Variants in MAPK4 observed in about 807,000 individuals in gnomAD.
The protein encoded by MAPK4 is Erk3-related.
Under a neutral mutation model 47.7 loss-of-function variants are expected in MAPK4, and 22 were observed. That is an observed-to-expected ratio of 0.46 (90% CI 0.33 to 0.66). The LOEUF is 0.66. Among genes scored for constraint, MAPK4 ranks in the 30% least tolerant of loss-of-function variants. MAPK4 has a pLI of 0.02. For missense variants in MAPK4, 736 were observed against 831.7 expected (o/e 0.88, Z 1.42); for synonymous variants, 390 against 365.7 (o/e 1.07, Z -0.76).
At chr18:50,570,550 A>G (rs1260655493) in intron 1 of MAPK4, among the ~76,000 whole-genome samples, 1 of 152,200 alleles carries the variant, frequency 6.6e-6, no homozygotes, top group African/African-American at 2.4e-5. Flanking sequence ...GGACCCCAAA[A>G]TGTTCATGTT....
chr18:50,726,706 T>C (rs2144490845), intron 5 of MAPK4, among the ~76,000 whole-genome samples: 1 of 151,974 alleles, frequency 6.6e-6, no homozygotes, highest in South Asian at 2.1e-4. Context: ...CAGACCAGCC[T>C]GGGAAACAAA....
chr18:50,577,185 G>C lies in MAPK4; in HGVS notation c.-871+16942G>C, dbSNP rs373560162. On this transcript the variant is annotated intron_variant, in intron 1 of 5. Coordinates refer to ENST00000400384, the MANE Select transcript of MAPK4 (RefSeq NM_002747.4). Reference sequence around the variant, plus strand: ...ATGATTCTCAAGTGCAAACAAGTTTGGGAACCAATGGTATGTGTTGTCATT... The same window carrying C: ...ATGATTCTCAAGTGCAAACAAGTTTCGGAACCAATGGTATGTGTTGTCATT... 8.2e-4 allele frequency among the ~76,000 whole-genome samples: 125 copies of C among 152,288 alleles called. No individual in the cohort carries two copies. The South Asian group carries it at 0.025, about 31-fold the overall frequency.
intron 1 of MAPK4, among the ~76,000 whole-genome samples, chr18:50,596,898 C>A (rs1222642007): frequency 6.6e-6 from 1 of 152,194 alleles, no homozygotes; most frequent in Non-Finnish European, 1.5e-5. Flanking sequence ...AGCTCTACTG[C>A]ACTCATTACT....
chr18:50,722,694 G>A (rs572767607), intron 4 of MAPK4, among the ~76,000 whole-genome samples: 20 of 152,328 alleles, frequency 1.3e-4, no homozygotes, highest in African/African-American at 4.3e-4. Context: ...CAGGCCCCAA[G>A]ACCACACTGG....
chr18:50,646,242 C>T (rs2042987981), intron 1 of MAPK4, among the ~76,000 whole-genome samples: 4 of 152,196 alleles, frequency 2.6e-5, no homozygotes, highest in Admixed American at 2.6e-4. Context: ...TAGAGATTCC[C>T]CTTCCCCTCT....
rs552070421 is a variant in MAPK4, at chr18:50,693,667, G to A, written c.547-21412G>A. Among the ~76,000 whole-genome samples, 5 of 152,324 alleles carry A rather than the reference G, an allele frequency of 3.3e-5. No homozygotes were observed. In the East Asian group the frequency reaches 7.7e-4, roughly 24 times the overall value. Reference sequence around the variant, plus strand: ...TGTGAATGACAGTAGCCTCTGGGTGGAGTGGTGCTTTCAAGCGTGCATGTG... The same window carrying A: ...TGTGAATGACAGTAGCCTCTGGGTGAAGTGGTGCTTTCAAGCGTGCATGTG... On this transcript the variant is annotated intron_variant, in intron 2 of 5. Coordinates refer to ENST00000400384, the MANE Select transcript of MAPK4 (RefSeq NM_002747.4).
At chr18:50,608,240 CT>C (rs2042599439) in intron 1 of MAPK4, among the ~76,000 whole-genome samples, 1 of 152,208 alleles carries the variant, frequency 6.6e-6, no homozygotes. Flanking sequence ...ATATCTGTTT[CT>C]GACTTTAAGT....
At chr18:50,676,583 T>C (rs963990294) in intron 2 of MAPK4, among the ~76,000 whole-genome samples, 7 of 152,234 alleles carry the variant, frequency 4.6e-5, no homozygotes, top group Non-Finnish European at 7.3e-5. Context: ...TCAAGCTGCA[T>C]GACCAGCTGT....
At chr18:50,572,731 C>T (rs1294830735) in intron 1 of MAPK4, among the ~76,000 whole-genome samples, 1 of 152,130 alleles carries the variant, frequency 6.6e-6, no homozygotes, top group African/African-American at 2.4e-5. Context: ...TTTCTCCCTT[C>T]GTTAACCAAC....
At chr18:50,572,975 G>T (rs17718537) in intron 1 of MAPK4, among the ~76,000 whole-genome samples, 40,002 of 152,008 alleles carry the variant, frequency 0.26, 5,308 homozygotes, top group South Asian at 0.32. Context: ...TAGAAAAGCA[G>T]GTGTATAGCT....
intron 1 of MAPK4, among the ~76,000 whole-genome samples, chr18:50,635,073 T>C (rs999950548): frequency 1.3e-5 from 2 of 152,202 alleles, no homozygotes; most frequent in African/African-American, 4.8e-5. Context: ...CATGAGCTAT[T>C]TGAGGGCAGC....
intron 1 of MAPK4, among the ~76,000 whole-genome samples, chr18:50,572,707 T>C (rs2042260612): frequency 6.6e-6 from 1 of 152,192 alleles, no homozygotes; most frequent in Non-Finnish European, 1.5e-5. Context: ...CTATCCACCA[T>C]TTACCTGCTG....
At chr18:50,645,297 G>A (rs4939998) in intron 1 of MAPK4, among the ~76,000 whole-genome samples, 55,684 of 151,970 alleles carry the variant, frequency 0.37, 12,058 homozygotes, top group South Asian at 0.52. Context: ...ATGCCAACGC[G>A]CTGTCCATAG....
chr18:50,679,250 C>A (rs906940750), intron 2 of MAPK4, among the ~76,000 whole-genome samples: 6 of 152,288 alleles, frequency 3.9e-5, no homozygotes, highest in African/African-American at 1.4e-4. Flanking sequence ...AGGACTGAGT[C>A]ATGGGTGTGC....
At chr18:50,728,243 A>AG (rs764069084) in intron 5 of MAPK4, among the ~76,000 whole-genome samples, 6 of 152,220 alleles carry the variant, frequency 3.9e-5, no homozygotes, top group Non-Finnish European at 8.8e-5. Flanking sequence ...CGCACAAGGA[A>AG]GGGAGGGCTC....
intron 1 of MAPK4, among the ~76,000 whole-genome samples, chr18:50,593,005 C>A (rs996442283): frequency 6.6e-6 from 1 of 152,194 alleles, no homozygotes. Context: ...ATTCGTCCCA[C>A]ACTAATTTTA....
intron 1 of MAPK4, among the ~76,000 whole-genome samples, chr18:50,606,123 T>C (rs1233044916): frequency 6.6e-6 from 1 of 151,730 alleles, no homozygotes; most frequent in Non-Finnish European, 1.5e-5. Context: ...GCAGAGGGAA[T>C]GGGAACGTGC....
chr18:50,694,582 C>T (rs1199941718), intron 2 of MAPK4, among the ~76,000 whole-genome samples: 2 of 152,208 alleles, frequency 1.3e-5, no homozygotes, highest in African/African-American at 4.8e-5. Context: ...AGATGTCACT[C>T]TGGTGGACCC....
At chr18:50,667,235 G>A (rs1440153504) in intron 2 of MAPK4, among the ~76,000 whole-genome samples, 1 of 152,136 alleles carries the variant, frequency 6.6e-6, no homozygotes, top group Non-Finnish European at 1.5e-5. Context: ...GAGTCCCTTG[G>A]CCCCTTGAAA....
Sources: allele counts gnomAD v4.1 joint callset (sites outside exome capture counted in the v4.1 genomes callset), GRCh38; gene constraint gnomAD v4.1.1; transcripts MANE v1.5; gene names NCBI Gene and HGNC (gene_info 2026-07-23, HGNC 2026-07-21).